SMYD3: variants seen among roughly 807,000 people sequenced by gnomAD.
The protein encoded by SMYD3 is histone-lysine N-methyltransferase SMYD3.
In SMYD3, 36 loss-of-function variants were observed where a neutral mutation model predicts 57.7. The ratio of observed to expected loss-of-function variants is 0.62; its 90% confidence interval spans 0.48 to 0.82. The LOEUF is 0.82. Ranked by LOEUF, SMYD3 falls within the 40% of genes least tolerant of loss-of-function variation. The pLI is 0.00. For synonymous variants in SMYD3, 211 were observed against 195.0 expected (o/e 1.08, Z -0.68); for missense variants, 515 against 538.8 (o/e 0.96, Z 0.44).
At chr1:246,069,970 C>T (rs1426249666) in intron 5 of SMYD3, among the ~76,000 whole-genome samples, 1 of 152,176 alleles carries the variant, frequency 6.6e-6, no homozygotes, top group East Asian at 1.9e-4. Context: ...CCTTCCCTCT[C>T]CCCGTCAATG....
chr1:246,096,945 T>G (rs1481928084), intron 5 of SMYD3, among the ~76,000 whole-genome samples: 1 of 152,228 alleles, frequency 6.6e-6, no homozygotes, highest in African/African-American at 2.4e-5. Flanking sequence ...TGTTGATTTG[T>G]AGGTGCTCAT....
chr1:245,914,992 G>A (rs1384768261), intron 8 of SMYD3, among the ~76,000 whole-genome samples: 1 of 152,104 alleles, frequency 6.6e-6, no homozygotes, highest in Non-Finnish European at 1.5e-5. Context: ...GCACTTTTTT[G>A]GGAAACGAAA....
chr1:246,011,966 T>C (rs1001833579), intron 5 of SMYD3, among the ~76,000 whole-genome samples: 2 of 152,174 alleles, frequency 1.3e-5, no homozygotes, highest in Non-Finnish European at 2.9e-5. Context: ...AATTGCTTGC[T>C]GGTACTGGCT....
rs188625020 is a variant in SMYD3 at position 246,458,803 on chromosome 1, T to G, written c.164+48251A>C. On this transcript the variant is annotated intron_variant, in intron 1 of 11. Coordinates refer to ENST00000490107, the MANE Select transcript of SMYD3 (RefSeq NM_001167740.2). ...CTAAATACAGTACATTATATCCATC[T>G]TTGTAACTATTCTGCAGCCTAACCT... 3.1e-3 allele frequency among the ~76,000 whole-genome samples: 467 copies of G among 152,150 alleles called. 2 individuals carry two copies. Among genetic ancestry groups the G allele is most frequent in the African/African-American group, 0.011 (447 of 41,524 alleles).
intron 5 of SMYD3, among the ~76,000 whole-genome samples, chr1:246,031,624 C>T (rs905626197): frequency 6.6e-6 from 1 of 151,876 alleles, no homozygotes; most frequent in African/African-American, 2.4e-5. Flanking sequence ...GTAGTCCCAG[C>T]TACTCGGGAG....
intron 10 of SMYD3, among the ~76,000 whole-genome samples, chr1:245,795,786 A>G (rs1455338115): frequency 6.6e-6 from 1 of 152,112 alleles, no homozygotes; most frequent in African/African-American, 2.4e-5. Context: ...AGAGCCAAGC[A>G]CTGAACGCTC....
At chr1:245,751,962 T>A (rs1383319043) in intron 11 of SMYD3, among the ~76,000 whole-genome samples, 1 of 152,164 alleles carries the variant, frequency 6.6e-6, no homozygotes, top group Non-Finnish European at 1.5e-5. Flanking sequence ...TAAAAACAAA[T>A]GTTTGATGGC....
At chr1:246,020,845 G>A (rs1284865379) in intron 5 of SMYD3, among the ~76,000 whole-genome samples, 1 of 152,110 alleles carries the variant, frequency 6.6e-6, no homozygotes, top group Non-Finnish European at 1.5e-5. Flanking sequence ...CTGGCTCTCT[G>A]ATTCCCACCC....
chr1:245,940,897 T>C (rs766889174), intron 5 of SMYD3, among the ~76,000 whole-genome samples: 2 of 152,174 alleles, frequency 1.3e-5, no homozygotes, highest in African/African-American at 4.8e-5. Flanking sequence ...TCTAACCCAA[T>C]GCAAAGAAGC....
chr1:245,784,021 T>C (rs1351986757), intron 10 of SMYD3, among the ~76,000 whole-genome samples: 6 of 152,238 alleles, frequency 3.9e-5, no homozygotes, highest in Non-Finnish European at 7.3e-5. Flanking sequence ...TTTGTAGCTA[T>C]AGACAAGAGT....
intron 1 of SMYD3, among the ~76,000 whole-genome samples, chr1:246,375,356 T>A (rs1391215875): frequency 5.9e-5 from 4 of 67,976 alleles, no homozygotes; most frequent in Non-Finnish European, 1.2e-4. Context: ...TTTTTTTTTT[T>A]ACCAATTTTC....
intron 5 of SMYD3, among the ~76,000 whole-genome samples, chr1:245,935,284 GTCAAAAGATTCATGAGAAAATGC>G (rs1416229128): frequency 6.6e-6 from 1 of 152,150 alleles, no homozygotes; most frequent in Non-Finnish European, 1.5e-5. Flanking sequence ...CATATAAATG[GTCAAAAGATTCATGAGAAAATGC>G]TCAATATCAC....
At chr1:246,390,791 A>C (rs987610286) in intron 1 of SMYD3, among the ~76,000 whole-genome samples, 3 of 152,198 alleles carry the variant, frequency 2.0e-5, no homozygotes, top group East Asian at 1.9e-4. Flanking sequence ...GCCACATTTC[A>C]AGTGCACAAC....
At chr1:246,126,280 C>T (rs181060246) in intron 5 of SMYD3, among the ~76,000 whole-genome samples, 15 of 152,280 alleles carry the variant, frequency 9.9e-5, no homozygotes, top group Admixed American at 7.2e-4. Flanking sequence ...AGACTGTAGC[C>T]AGGCCTGCTA....
chr1:246,326,100 C>A, intron 5 of SMYD3: 1 of 319,894 alleles, frequency 3.1e-6, no homozygotes, highest in East Asian at 5.0e-5. Context: ...TGGAATAAAT[C>A]TCCAGCAATC....
chr1:246,049,253 C>A (rs2060021864), intron 5 of SMYD3, among the ~76,000 whole-genome samples: 1 of 152,008 alleles, frequency 6.6e-6, no homozygotes, highest in South Asian at 2.1e-4. Context: ...AGCCACCTCA[C>A]AAAAAACAGA....
chr1:246,212,315 T>C (rs2063102203), intron 5 of SMYD3, among the ~76,000 whole-genome samples: 1 of 152,114 alleles, frequency 6.6e-6, no homozygotes, highest in Admixed American at 6.5e-5. Context: ...ACTAAAATGT[T>C]CAATATTAGA....
At chr1:245,917,034 T>TA (rs35610259) in intron 7 of SMYD3, among the ~76,000 whole-genome samples, 128,009 of 144,552 alleles carry the variant, frequency 0.89, 56,922 homozygotes, top group Non-Finnish European at 0.94. Context: ...CATTGGGCTT[T>TA]AAAAAAAAAA....
intron 1 of SMYD3, among the ~76,000 whole-genome samples, chr1:246,489,939 T>A (rs1253681522): frequency 6.6e-6 from 1 of 151,308 alleles, no homozygotes; most frequent in Non-Finnish European, 1.5e-5. Flanking sequence ...GTGATCCTCC[T>A]GCCTCAGCCT....
Sources: allele counts gnomAD v4.1 joint callset (sites outside exome capture counted in the v4.1 genomes callset), GRCh38; gene constraint gnomAD v4.1.1; transcripts MANE v1.5; gene names NCBI Gene and HGNC (gene_info 2026-07-23, HGNC 2026-07-21).